Variants in TENM3 observed in about 807,000 individuals in gnomAD.
The protein encoded by TENM3 is teneurin-3.
TENM3 carries 63 observed loss-of-function variants against 255.1 expected under a neutral mutation model. That is an observed-to-expected ratio of 0.25 (90% confidence interval 0.20 to 0.30). The LOEUF (loss-of-function observed/expected upper bound fraction) is 0.30. Among genes scored for constraint, TENM3 ranks in the 10% least tolerant of loss-of-function variants. The probability of loss-of-function intolerance (pLI) is 1.00; values close to 1 mark genes in which losing one functional copy is unlikely to be tolerated. For synonymous variants in TENM3, 1,306 were observed against 1,322.3 expected (o/e 0.99, Z 0.27); for missense variants, 2,929 against 3,461.1 (o/e 0.85, Z 3.86).
intron 23 of TENM3, 26 bp downstream of exon 23, chr4:182,773,673 C>T (rs1183657535): frequency 1.9e-6 from 3 of 1,594,204 alleles, no homozygotes; most frequent in East Asian, 2.2e-5. Context: ...TCATTTTAAA[C>T]AAGTACCACC....
chr4:181,923,269 A>T, the TENM3 span, among the ~76,000 whole-genome samples: 2 of 151,998 alleles, frequency 1.3e-5, no homozygotes, highest in Non-Finnish European at 2.9e-5. Context: ...TGCAATTATT[A>T]AACCAAATAA....
intron 3 of TENM3, among the ~76,000 whole-genome samples, chr4:182,531,761 G>A (rs959861001): frequency 6.6e-6 from 1 of 152,128 alleles, no homozygotes; most frequent in African/African-American, 2.4e-5. Context: ...CCGTGGGCAG[G>A]TTTTTACTGG....
In TENM3 at chr4:182,709,305, G is replaced by A. The variant is rs539811374; in HGVS notation, c.2222-4782G>A. ...GCTCTGGAAAATAGTTTTTTTAATG[G>A]TTCCCATTTTATATGTCTAGCACCC... On this transcript the variant is annotated intron_variant, in intron 12 of 27. Transcript: ENST00000511685. 3.0e-4 allele frequency among the ~76,000 whole-genome samples: 46 copies of A among 152,058 alleles called. 1 individual carries two copies. In the South Asian group the frequency reaches 9.3e-3, roughly 31 times the overall value.
chr4:181,641,559 T>C, the TENM3 span, among the ~76,000 whole-genome samples: 1 of 43,182 alleles, frequency 2.3e-5, no homozygotes, highest in African/African-American at 8.5e-5. Context: ...TGTGTGTATA[T>C]ATATATATAT....
chr4:182,609,640 GTAATA>G (rs1748798736), intron 4 of TENM3, among the ~76,000 whole-genome samples: 1 of 152,148 alleles, frequency 6.6e-6, no homozygotes, highest in Admixed American at 6.5e-5. Flanking sequence ...ACATCTCACA[GTAATA>G]TAATATTGCT....
intron 3 of TENM3, among the ~76,000 whole-genome samples, chr4:182,527,732 G>GT (rs145867442): frequency 0.26 from 39,326 of 151,388 alleles, 6,279 homozygotes; most frequent in South Asian, 0.38. Flanking sequence ...TGTTGTTTTT[G>GT]TTTTTTTTGT....
At chr4:181,687,554 C>CTA in the TENM3 span, among the ~76,000 whole-genome samples, 2 of 152,176 alleles carry the variant, frequency 1.3e-5, 1 homozygote, top group South Asian at 4.1e-4. Context: ...AAAAAGCCAT[C>CTA]TATATCCAGG....
chr4:182,570,820 ACT>A (rs1378586270), intron 3 of TENM3, among the ~76,000 whole-genome samples: 2 of 140,656 alleles, frequency 1.4e-5, no homozygotes, highest in Admixed American at 7.1e-5. Context: ...ACAGTGCGAG[ACT>A]CTGTGTCAAA....
the TENM3 span, among the ~76,000 whole-genome samples, chr4:182,026,353 G>A: frequency 1.2e-4 from 19 of 152,158 alleles, no homozygotes; most frequent in African/African-American, 3.9e-4. Context: ...TATATATTCC[G>A]ATCATGAATT....
intron 6 of TENM3, among the ~76,000 whole-genome samples, chr4:182,661,604 G>A (rs1269128913): frequency 6.6e-6 from 1 of 152,176 alleles, no homozygotes; most frequent in Non-Finnish European, 1.5e-5. Flanking sequence ...CTTAGCTTGT[G>A]ATGTAACACT....
chr4:182,674,453 AT>A (rs1233543558), intron 7 of TENM3, among the ~76,000 whole-genome samples: 5 of 152,104 alleles, frequency 3.3e-5, no homozygotes. Context: ...CCTATTTAAT[AT>A]TTTTAATATC....
chr4:182,260,893 T>C (rs1007452395), intron 1 of TENM3, among the ~76,000 whole-genome samples: 7 of 152,114 alleles, frequency 4.6e-5, no homozygotes, highest in African/African-American at 1.7e-4. Flanking sequence ...TTTTTTTTTC[T>C]GAGTCGGAGA....
At chr4:182,133,683 C>T in the TENM3 span, among the ~76,000 whole-genome samples, 1 of 152,134 alleles carries the variant, frequency 6.6e-6, no homozygotes, top group South Asian at 2.1e-4. Flanking sequence ...TGAAGTGTCA[C>T]TGAATTTTCA....
chr4:182,190,491 A>G (rs1753445538), intron 1 of TENM3: 2 of 152,142 alleles, frequency 1.3e-5, no homozygotes, highest in Non-Finnish European at 2.9e-5. Flanking sequence ...ACCTCATTTC[A>G]TGTGGTTCAT....
At chr4:182,155,738 A>G (rs1579527289) in intron 1 of TENM3, among the ~76,000 whole-genome samples, 1 of 152,280 alleles carries the variant, frequency 6.6e-6, no homozygotes, top group South Asian at 2.1e-4. Flanking sequence ...TAATATACAA[A>G]TTTTGAATTT....
the TENM3 span, among the ~76,000 whole-genome samples, chr4:181,553,535 G>C: frequency 6.6e-6 from 1 of 151,698 alleles, no homozygotes; most frequent in Non-Finnish European, 1.5e-5. Flanking sequence ...TCCGCCTCCC[G>C]GGTTCACGTC....
chr4:182,338,806 T>A (rs1764299002), intron 2 of TENM3, among the ~76,000 whole-genome samples: 1 of 152,168 alleles, frequency 6.6e-6, no homozygotes, highest in Non-Finnish European at 1.5e-5. Flanking sequence ...ATTATGAAAA[T>A]CTATTAACCA....
chr4:181,850,858 A>G, the TENM3 span, among the ~76,000 whole-genome samples: 1 of 152,076 alleles, frequency 6.6e-6, no homozygotes, highest in East Asian at 1.9e-4. Flanking sequence ...AGTTAAGTAT[A>G]TTGCCTCTTA....
At position 182,760,906 on chromosome 4, in the gene TENM3, A is replaced by T. The variant is rs186380677; in HGVS notation, c.4892+5647A>T. 5.3e-5 allele frequency among the ~76,000 whole-genome samples: 8 copies of T among 152,336 alleles called. No homozygotes were observed. In the East Asian group the frequency reaches 1.5e-3, roughly 29 times the overall value. ...GTGAACAGCGCATGTGCTACGCCTA[A>T]GCCTATTTCAAGTTCAAAACTGTAT... On this transcript the variant is annotated intron_variant, in intron 22 of 27. Transcript: ENST00000511685.
Sources: gnomAD v4.1 joint callset for allele counts (sites outside exome capture counted in the v4.1 genomes callset) on GRCh38, gnomAD v4.1.1 for gene constraint, MANE v1.5 for transcripts, NCBI Gene and HGNC (gene_info 2026-07-23, HGNC 2026-07-21) for gene names.